Variants in PARVA observed in about 807,000 individuals in gnomAD.
PARVA encodes the protein alpha-parvin.
In PARVA, 25 loss-of-function variants were observed where a neutral mutation model predicts 52.6. The observed-to-expected ratio is 0.48, with a 90% CI of 0.35 to 0.66. The LOEUF is 0.66. Ranked by LOEUF, PARVA falls within the 30% of genes least tolerant of loss-of-function variation. The probability of loss-of-function intolerance (pLI) is 0.01; values close to 1 mark genes in which losing one functional copy is unlikely to be tolerated. For synonymous variants in PARVA, 185 were observed against 179.1 expected, an observed-to-expected ratio of 1.03 and a Z score of -0.26; for missense variants, 373 against 450.9, an observed-to-expected ratio of 0.83 and a Z score of 1.56.
At chr11:12,517,741 C>T (rs2135083209) in intron 11 of PARVA, 30 bp downstream of exon 11, 1 of 1,472,142 alleles carries the variant, frequency 6.8e-7, no homozygotes, top group Non-Finnish European at 9.3e-7. Context: ...AGGGAGGCCC[C>T]CTAGCCCACA....
intron 1 of PARVA, chr11:12,453,113 C>A: frequency 2.2e-6 from 1 of 447,538 alleles, no homozygotes; most frequent in Non-Finnish European, 4.5e-6. Flanking sequence ...CACCTCCCAG[C>A]TCGTCTCTGG....
intron 4 of PARVA, among the ~76,000 whole-genome samples, chr11:12,481,080 T>A (rs12788535): frequency 0.49 from 65,819 of 133,236 alleles, 14,571 homozygotes; most frequent in Middle Eastern, 0.64. Context: ...TTAATTAATT[T>A]TTTTTAAGTG....
At chr11:12,453,580 T>G (rs1940653854) in intron 1 of PARVA, among the ~76,000 whole-genome samples, 1 of 152,194 alleles carries the variant, frequency 6.6e-6, no homozygotes, top group African/African-American at 2.4e-5. Flanking sequence ...TTCTCCCACA[T>G]AGTTTGGAAT....
chr11:12,469,407 C>T (rs909186629), intron 1 of PARVA, among the ~76,000 whole-genome samples: 4 of 152,202 alleles, frequency 2.6e-5, no homozygotes, highest in Non-Finnish European at 5.9e-5. Flanking sequence ...CGCTGCGAGA[C>T]ATTCGGACCC....
chr11:12,478,560 G>C, intron 4 of PARVA: 1 of 169,036 alleles, frequency 5.9e-6, no homozygotes, highest in South Asian at 1.5e-4. Context: ...CGTCCCCTCA[G>C]ATTCTCGACT....
chr11:12,448,132 A>G (rs1027416017), intron 1 of PARVA, among the ~76,000 whole-genome samples: 1 of 152,148 alleles, frequency 6.6e-6, no homozygotes, highest in Non-Finnish European at 1.5e-5. Context: ...TGATTAACCT[A>G]CCTTACAGTA....
At chr11:12,457,376 G>A (rs542789927) in intron 1 of PARVA, among the ~76,000 whole-genome samples, 1 of 152,350 alleles carries the variant, frequency 6.6e-6, no homozygotes, top group African/African-American at 2.4e-5. Flanking sequence ...TTCCAATGCA[G>A]TAGTCCATGG....
In PARVA at chr11:12,496,846, G is replaced by A. The variant is rs918848335; in HGVS notation, c.541+248G>A. Among the ~76,000 whole-genome samples, 29 of 152,286 alleles carry A rather than the reference G, an allele frequency of 1.9e-4. 1 individual carries two copies. The highest frequency in any genetic ancestry group is 1.7e-3 in the East Asian group (9 of 5,174). On this transcript the variant is annotated intron_variant, in intron 5 of 12. Transcript: ENST00000334956. ...AAAAGGCTTTGCATAGAAACCTCAC[G>A]TGAAATGGGGAAGGGAAGGAAACTC...
intron 5 of PARVA, among the ~76,000 whole-genome samples, chr11:12,501,730 G>A (rs1941365566): frequency 6.6e-6 from 1 of 152,174 alleles, no homozygotes. Context: ...AGCGTAGTAT[G>A]TATGTGTGTG....
At chr11:12,412,972 A>C (rs1438408671) in intron 1 of PARVA, among the ~76,000 whole-genome samples, 1 of 152,248 alleles carries the variant, frequency 6.6e-6, no homozygotes, top group African/African-American at 2.4e-5. Context: ...TGAAGCTGGA[A>C]TTAGAAATTG....
At chr11:12,527,828 T>A in intron 12 of PARVA, 21 bp from the exon 13 acceptor site, 1 of 1,586,020 alleles carries the variant, frequency 6.3e-7, no homozygotes, top group Non-Finnish European at 8.7e-7. Context: ...AAACAATTGG[T>A]GTTTTTTGTT....
chr11:12,380,528 T>C lies in PARVA; in HGVS notation c.136+2745T>C, dbSNP rs907153401. 2.6e-5 allele frequency among the ~76,000 whole-genome samples: 4 copies of C among 151,022 alleles called. 1 individual carries two copies. Among genetic ancestry groups the C allele is most frequent in the African/African-American group, 9.9e-5 (4 of 40,546 alleles). On this transcript the variant is annotated intron_variant, in intron 1 of 12. Coordinates refer to ENST00000334956, the MANE Select transcript of PARVA (RefSeq NM_018222.5). ...TTGCCCGTGCATCACCTACTGGTGC[T>C]GAACCCAGTGGGAAGCCATCAGAGC...
intron 1 of PARVA, among the ~76,000 whole-genome samples, chr11:12,411,931 T>C (rs1939997471): frequency 6.6e-6 from 1 of 152,176 alleles, no homozygotes; most frequent in African/African-American, 2.4e-5. Flanking sequence ...TTCTCAGCAT[T>C]CCCCTAATAG....
At chr11:12,455,319 G>C (rs749149223) in intron 1 of PARVA, among the ~76,000 whole-genome samples, 30 of 152,286 alleles carry the variant, frequency 2.0e-4, no homozygotes, top group Non-Finnish European at 3.4e-4. Context: ...ACCAGCCAGA[G>C]ATACATTTCG....
chr11:12,508,680 G>C, intron 7 of PARVA, 38 bp downstream of exon 7: 1 of 1,397,618 alleles, frequency 7.2e-7, no homozygotes, highest in Non-Finnish European at 1.0e-6. Flanking sequence ...TTCTGTAATG[G>C]AACACAGATG....
At chr11:12,498,400 G>C (rs943037617) in intron 5 of PARVA, among the ~76,000 whole-genome samples, 1 of 152,172 alleles carries the variant, frequency 6.6e-6, no homozygotes, top group East Asian at 1.9e-4. Context: ...TGATTTGTTT[G>C]GTTTATGCTT....
intron 1 of PARVA, among the ~76,000 whole-genome samples, chr11:12,451,710 G>A (rs767640961): frequency 8.5e-5 from 13 of 152,152 alleles, no homozygotes; most frequent in Non-Finnish European, 1.9e-4. Context: ...CAGTAGGTAT[G>A]ATAAATTCAT....
Position 12,508,641 on chromosome 11 carries a change from G to A in PARVA, c.715G>A (p.Glu239Lys). ...QIQEEITGNTEALSGRHERDA... is the reference protein window; with the variant it reads ...QIQEEITGNTKALSGRHERDA... ...CCAAGAGGAAATAACTGGTAACACA[G>A]AGTATGTCAACACCATTGTTGCCAG... Residue 239 changes from glutamate (E) to lysine (K), a missense_variant and splice_region_variant, in exon 7 of 13, where the codon GAG (glutamate) becomes AAG (lysine). By Grantham distance (56) the Glu-to-Lys change is moderately conservative. Transcript: ENST00000334956. 6.2e-7 allele frequency: 1 copy of A among 1,603,292 alleles called. No individual in the cohort carries two copies. Among genetic ancestry groups the A allele is most frequent in the Non-Finnish European group, 8.5e-7 (1 of 1,172,818 alleles).
intron 1 of PARVA, among the ~76,000 whole-genome samples, chr11:12,378,517 G>A (rs1397684638): frequency 1.3e-5 from 2 of 151,760 alleles, no homozygotes; most frequent in East Asian, 1.9e-4. Context: ...AGGCATTCAG[G>A]GCTTTCGTAA....
Sources: gnomAD v4.1 joint callset for allele counts (sites outside exome capture counted in the v4.1 genomes callset) on GRCh38, gnomAD v4.1.1 for gene constraint, MANE v1.5 for transcripts, NCBI Gene and HGNC (gene_info 2026-07-23, HGNC 2026-07-21) for gene names.